ABCA5: variants seen among roughly 807,000 people sequenced by gnomAD.
ABCA5 encodes the protein ATP binding cassette subfamily A member 5, also known as cholesterol transporter ABCA5.
A neutral mutation model predicts 206.0 loss-of-function variants in ABCA5; 163 were observed. The ratio of observed to expected loss-of-function variants is 0.79; its 90% confidence interval spans 0.70 to 0.90. The LOEUF is 0.90. Among genes scored for constraint, ABCA5 ranks in the 40% least tolerant of loss-of-function variants. The pLI is 0.00. For missense variants in ABCA5, 1,859 were observed against 1,912.9 expected (o/e 0.97, Z 0.53); for synonymous variants, 609 against 613.8 (o/e 0.99, Z 0.11).
chr17:69,303,291 T>A (rs999564366), intron 7 of ABCA5, among the ~76,000 whole-genome samples: 6 of 151,696 alleles, frequency 4.0e-5, no homozygotes, highest in Admixed American at 3.9e-4. Flanking sequence ...CATTTTAGTA[T>A]TTTTTTTGTA....
In ABCA5 at chr17:69,314,424, A is replaced by G; in HGVS notation, c.-9T>C. 1 of 1,587,518 alleles carries G rather than the reference A, an allele frequency of 6.3e-7. No individual in the cohort carries two copies. Among genetic ancestry groups the G allele is most frequent in the South Asian group, 1.1e-5 (1 of 89,750 alleles). ...CTAATTGCAGTGGACATGTTTTCTG[A>G]ATAAACCTATTAAAGAGGAAAAACA... On this transcript the variant is annotated 5_prime_UTR_variant, in exon 2 of 39. Transcript: ENST00000392676.
intron 1 of ABCA5, among the ~76,000 whole-genome samples, chr17:69,322,383 A>AAAAAAC (rs1298642493): frequency 6.8e-6 from 1 of 146,450 alleles, no homozygotes; most frequent in Non-Finnish European, 1.5e-5. Flanking sequence ...AAAAAAAAAA[A>AAAAAAC]AAAAGTGCTG....
intron 28 of ABCA5, among the ~76,000 whole-genome samples, chr17:69,259,369 C>A: frequency 6.6e-6 from 1 of 151,950 alleles, no homozygotes; most frequent in East Asian, 1.9e-4. Context: ...ATTAAAATAA[C>A]ATGCCAACCA....
In ABCA5 at chr17:69,246,687, T is replaced by C. The variant is rs896437653; in HGVS notation, c.*850A>G. Reference sequence around the variant, plus strand: ...TATTTTATTCAAGAACAAAATTAAATGTGCCCTTTGCAAGGAAGATGACAA... The same window carrying C: ...TATTTTATTCAAGAACAAAATTAAACGTGCCCTTTGCAAGGAAGATGACAA... On this transcript the variant is annotated 3_prime_UTR_variant, in exon 39 of 39. Transcript: ENST00000392676. The C allele has an allele frequency of 1.3e-5, 2 of 151,884 alleles. No homozygotes were observed. Among genetic ancestry groups the C allele is most frequent in the Admixed American group, 6.6e-5 (1 of 15,256 alleles). The allele number at this position is 151,884 out of a possible 1,614,324, so 9.4% of individuals were successfully genotyped here.
chr17:69,318,324 A>C (rs971322705), intron 1 of ABCA5, among the ~76,000 whole-genome samples: 1 of 151,958 alleles, frequency 6.6e-6, no homozygotes, highest in Non-Finnish European at 1.5e-5. Context: ...CAAACTTCTG[A>C]CCTCAGGTGA....
chr17:69,294,839 T>G (rs1158960240), intron 10 of ABCA5, 126 bp from the exon 11 acceptor site: 2 of 569,158 alleles, frequency 3.5e-6, no homozygotes, highest in Non-Finnish European at 5.7e-6. Flanking sequence ...AATAAAGTAC[T>G]TTCCTACTAA....
intron 17 of ABCA5, 63 bp downstream of exon 17, chr17:69,285,835 A>G (rs2075445018): frequency 4.7e-6 from 7 of 1,477,382 alleles, no homozygotes; most frequent in Non-Finnish European, 5.5e-6. Context: ...AAGGAAATCA[A>G]TGAAACCTAT....
chr17:69,294,746 A>T (rs748503210), intron 10 of ABCA5, 33 bp from the exon 11 acceptor site: 4 of 1,441,534 alleles, frequency 2.8e-6, no homozygotes, highest in Non-Finnish European at 3.8e-6. Flanking sequence ...TTAAGTATTT[A>T]AAGCAATTTA....
At chr17:69,323,344 C>T (rs1236400048) in intron 1 of ABCA5, among the ~76,000 whole-genome samples, 3 of 152,126 alleles carry the variant, frequency 2.0e-5, no homozygotes, top group Non-Finnish European at 4.4e-5. Flanking sequence ...TAACCTCGTA[C>T]GAAAAATGAT....
rs567661810 is a variant in ABCA5, at chr17:69,250,572, A to G, written c.4585T>C (p.Phe1529Leu). 6.2e-7 allele frequency: 1 copy of G among 1,601,514 alleles called. No individual in the cohort carries two copies. The highest frequency in any genetic ancestry group is 1.1e-5 in the South Asian group (1 of 88,532). The stretch of plus-strand genomic sequence containing the variant: ...CAGTCCTTCAATTTAATTTCCAAAA[A>G]GTAGCCTTTTCCAAATTTACTCTTT... ...HLKSKFGKGYFLEIKLKDWIE... is the reference protein window; with the variant it reads ...HLKSKFGKGYLLEIKLKDWIE... Residue 1529 changes from phenylalanine to leucine, a missense_variant, in exon 36 of 39, where the codon TTT becomes CTT. Physicochemically the swap from Phe to Leu is conservative, Grantham distance 22 (BLOSUM62 0). Transcript: ENST00000392676.
At chr17:69,314,230 A>T in intron 2 of ABCA5, 84 bp downstream of exon 2, 1 of 611,070 alleles carries the variant, frequency 1.6e-6, no homozygotes. Flanking sequence ...AAATATATTT[A>T]GCAAAATAAA....
chr17:69,304,942 G>T, intron 6 of ABCA5, 132 bp from the exon 7 acceptor site: 1 of 696,756 alleles, frequency 1.4e-6, no homozygotes, highest in Non-Finnish European at 2.1e-6. Context: ...TTCTGTGTAT[G>T]CTTATGTACT....
intron 1 of ABCA5, among the ~76,000 whole-genome samples, chr17:69,321,517 G>A (rs1205776080): frequency 6.6e-6 from 1 of 152,110 alleles, no homozygotes; most frequent in African/African-American, 2.4e-5. Context: ...GTTTTTGGAA[G>A]AATAAGAGAA....
chr17:69,261,733 C>A lies in ABCA5; in HGVS notation c.3331G>T (p.Gly1111Cys). Residue 1111 changes from glycine to cysteine, a missense_variant, in exon 25 of 39, where the codon GGT becomes TGT. By Grantham distance (159) the Gly-to-Cys change is radical. Coordinates refer to ENST00000392676, the MANE Select transcript of ABCA5 (RefSeq NM_172232.4). ...AACAGAATAACTGATGGAACATAACCAATAAGGCAAAAAACCTGTAAATCA... is the reference window on the plus strand; with the variant it reads ...AACAGAATAACTGATGGAACATAACAAATAAGGCAAAAAACCTGTAAATCA... ...KFLAVVFCLI[G>C]YVPSVILFTY... 1 of 1,447,046 alleles carries A rather than the reference C, an allele frequency of 6.9e-7. No individual in the cohort carries two copies. The highest frequency in any genetic ancestry group is 9.2e-7 in the Non-Finnish European group (1 of 1,085,162). The allele number at this position is 1,447,046 out of a possible 1,614,324, so 89.6% of individuals were successfully genotyped here.
intron 11 of ABCA5, among the ~76,000 whole-genome samples, chr17:69,294,413 T>A (rs2144992230): frequency 6.6e-6 from 1 of 152,146 alleles, no homozygotes; most frequent in Non-Finnish European, 1.5e-5. Flanking sequence ...TCCCACCTAC[T>A]CAGGAGGCTA....
chr17:69,268,130 CTTATATCA>C (rs1192875963), intron 22 of ABCA5, 74 bp from the exon 23 acceptor site: 101 of 634,138 alleles, frequency 1.6e-4, no homozygotes, highest in African/African-American at 2.5e-4. Context: ...TAGGATATAT[CTTATATCA>C]AAAAAAAATC....
chr17:69,306,841 G>T lies in ABCA5; in HGVS notation c.672C>A (p.Tyr224Ter), dbSNP rs1387534510. ...CAAAAGGTGAAAATGCTATAACTAG[G>T]TATATTAAAATTACTCCTCGGGGAA... Reference protein sequence around the residue: ...DTFPRGVILIYLVIAFSPFGY... With the variant: ...DTFPRGVILI Residue 224 changes from tyrosine to a stop codon, truncating the protein, a stop_gained, in exon 6 of 39, where the codon TAC becomes TAA. Transcript: ENST00000392676. LOFTEE classifies it high-confidence loss of function. 1 of 1,603,198 alleles carries T rather than the reference G, an allele frequency of 6.2e-7. No individual in the cohort carries two copies. Among genetic ancestry groups the T allele is most frequent in the African/African-American group, 1.3e-5 (1 of 74,332 alleles).
Position 69,324,464 on chromosome 17 carries a change from T to C in ABCA5, c.-16+2588A>G, listed in dbSNP as rs1048297377. ...ACACGGTAAAGGCAGGCATTGGGAA[T>C]GGATTATGAAGTTTCTGGTATCCAA... is the stretch of plus-strand genomic sequence containing the variant. On this transcript the variant is annotated intron_variant, in intron 1 of 38. Transcript: ENST00000392676. 2.4e-4 allele frequency among the ~76,000 whole-genome samples: 36 copies of C among 152,238 alleles called. 1 individual carries two copies.
At chr17:69,316,657 ACACATAAGTTT>A (rs1232922527) in intron 1 of ABCA5, among the ~76,000 whole-genome samples, 1 of 152,090 alleles carries the variant, frequency 6.6e-6, no homozygotes, top group African/African-American at 2.4e-5. Flanking sequence ...AGGGATATAA[ACACATAAGTTT>A]CAAGAAAGTT....
Sources: gnomAD v4.1 joint callset for allele counts (sites outside exome capture counted in the v4.1 genomes callset) on GRCh38, gnomAD v4.1.1 for gene constraint, MANE v1.5 for transcripts, NCBI Gene and HGNC (gene_info 2026-07-23, HGNC 2026-07-21) for gene names.